FREM1: variants seen among roughly 807,000 people sequenced by gnomAD.
The protein encoded by FREM1 is FRAS1-related extracellular matrix protein 1.
A neutral mutation model predicts 210.1 loss-of-function variants in FREM1; 220 were observed. The ratio of observed to expected loss-of-function variants is 1.05; its 90% CI spans 0.94 to 1.17. The LOEUF is 1.17. Among genes scored for constraint, FREM1 ranks in the 50% most tolerant of loss-of-function variants. The pLI is 0.00. For synonymous variants in FREM1, 1,189 were observed against 980.2 expected, an observed-to-expected ratio of 1.21 and a Z score of -3.98; for missense variants, 3,454 against 2,675.5, an observed-to-expected ratio of 1.29 and a Z score of -6.42.
At chr9:14,813,137 C>G in intron 15 of FREM1, 73 bp from the exon 16 acceptor site, 1 of 1,443,408 alleles carries the variant, frequency 6.9e-7, no homozygotes, top group Non-Finnish European at 9.4e-7. Flanking sequence ...TAATCCATTG[C>G]TCATAGTCAG....
At position 14,792,795 on chromosome 9, in the gene FREM1, T is replaced by C. The variant is rs749369656; in HGVS notation, c.3929A>G (p.Lys1310Arg). ...SAIDEDSPRE[K>R]IYYVFERLPQ... Reference sequence around the variant, plus strand: ...AAGCCTTTCAAATACATAGTAAATCTTCTCCCTGGGTGAGTCTTCATCTAT... The same window carrying C: ...AAGCCTTTCAAATACATAGTAAATCCTCTCCCTGGGTGAGTCTTCATCTAT... The change falls in exon 22 of 37, where the codon AAG (lysine) becomes AGG (arginine). Residue 1310 changes from lysine to arginine, a missense_variant. Coordinates refer to ENST00000380880, the MANE Select transcript of FREM1 (RefSeq NM_001379081.2). 12 of 1,606,486 alleles carry C rather than the reference T, an allele frequency of 7.5e-6. No individual in the cohort carries two copies. The highest frequency in any genetic ancestry group is 1.6e-4 in the Middle Eastern group (1 of 6,070).
At position 14,746,413 on chromosome 9, in the gene FREM1, T is replaced by A. The variant is rs775149951; in HGVS notation, c.6194A>T (p.His2065Leu). The A allele has an allele frequency of 6.2e-7, 1 of 1,613,914 alleles. No individual in the cohort carries two copies. The highest frequency in any genetic ancestry group is 1.1e-5 in the South Asian group (1 of 91,074). ...GCCTTTCTGCTCTGTGATCAAGATG[T>A]GACAGTAGCCTGAGTGCTGGTGCCA... ...AGWHQHSGYCHILITEQKGTW... is the reference protein window; with the variant it reads ...AGWHQHSGYCLILITEQKGTW... The change falls in exon 35 of 37, where the codon CAC (histidine) becomes CTC (leucine). Residue 2065 changes from histidine (H) to leucine (L), a missense_variant. Physicochemically the swap from His to Leu is moderately conservative, Grantham distance 99 (BLOSUM62 -3). Coordinates refer to ENST00000380880, the MANE Select transcript of FREM1 (RefSeq NM_001379081.2).
chr9:14,804,214 A>G (rs1011288435), intron 19 of FREM1, among the ~76,000 whole-genome samples: 1 of 152,228 alleles, frequency 6.6e-6, no homozygotes, highest in Admixed American at 6.5e-5. Context: ...TGCGAAGCTT[A>G]AAGTCTGCTT....
rs766162168 is a variant in FREM1 at position 14,863,808 on chromosome 9, C to T, written c.329+1G>A. On this transcript the variant is annotated splice_donor_variant, in intron 3 of 36. Coordinates refer to ENST00000380880, the MANE Select transcript of FREM1 (RefSeq NM_001379081.2). LOFTEE classifies it high-confidence loss of function. Reference sequence around the variant, plus strand: ...ATGAGCGATGTTCCCGTGCCGCTTACCTGTAAAGTCTGAGCTTCACTGTGT... The same window carrying T: ...ATGAGCGATGTTCCCGTGCCGCTTATCTGTAAAGTCTGAGCTTCACTGTGT... 1 of 1,596,118 alleles carries T rather than the reference C, an allele frequency of 6.3e-7. No individual in the cohort carries two copies. Among genetic ancestry groups the T allele is most frequent in the South Asian group, 1.1e-5 (1 of 90,560 alleles).
chr9:14,738,181 T>A (rs1429304714), intron 36 of FREM1, among the ~76,000 whole-genome samples: 1 of 152,196 alleles, frequency 6.6e-6, no homozygotes, highest in African/African-American at 2.4e-5. Context: ...CACTGGCAAA[T>A]TTTGCAAATT....
At chr9:14,774,511 ATCTCTCTCTCTCTCTCTCTCTCTC>A (rs36211636) in intron 25 of FREM1, among the ~76,000 whole-genome samples, 149 of 136,260 alleles carry the variant, frequency 1.1e-3, no homozygotes, top group Middle Eastern at 3.7e-3. Flanking sequence ...CCTAAAATAA[ATCTCTCTCTCTCTCTCTCTCTCTC>A]TCTCTCTCTC....
At chr9:14,896,050 AG>A (rs1307757203) in intron 1 of FREM1, among the ~76,000 whole-genome samples, 2 of 152,174 alleles carry the variant, frequency 1.3e-5, no homozygotes, top group African/African-American at 4.8e-5. Context: ...ATGAGAGAGG[AG>A]GTCAGCACAA....
At chr9:14,866,126 G>T (rs1486566143) in intron 2 of FREM1, among the ~76,000 whole-genome samples, 1 of 152,126 alleles carries the variant, frequency 6.6e-6, no homozygotes, top group African/African-American at 2.4e-5. Context: ...AGCAGGCTAG[G>T]GAATCAGTAT....
chr9:14,854,871 A>C (rs959161071), intron 5 of FREM1, among the ~76,000 whole-genome samples: 7 of 152,116 alleles, frequency 4.6e-5, no homozygotes, highest in Non-Finnish European at 1.0e-4. Flanking sequence ...CTCACCTTAC[A>C]TGAAGGAAAC....
At chr9:14,847,039 A>AG (rs1369697869) in intron 7 of FREM1, among the ~76,000 whole-genome samples, 3 of 152,198 alleles carry the variant, frequency 2.0e-5, no homozygotes, top group African/African-American at 7.2e-5. Flanking sequence ...GGCTGCTAAG[A>AG]GGGGCCAGAT....
intron 31 of FREM1, 36 bp from the exon 32 acceptor site, chr9:14,747,764 G>A (rs1424845651): frequency 7.4e-6 from 10 of 1,346,748 alleles, no homozygotes; most frequent in Non-Finnish European, 1.0e-5. Flanking sequence ...GAACAGAATT[G>A]GATTGACTAA....
chr9:14,907,742 C>A (rs919261389), intron 1 of FREM1, among the ~76,000 whole-genome samples: 4 of 152,208 alleles, frequency 2.6e-5, no homozygotes, highest in African/African-American at 7.2e-5. Flanking sequence ...TTAGCGAAAT[C>A]TTTAGGCCTA....
chr9:14,833,317 G>A (rs148377831), intron 10 of FREM1, among the ~76,000 whole-genome samples: 2,232 of 152,278 alleles, frequency 0.015, 49 homozygotes, highest in African/African-American at 0.051. Flanking sequence ...CCCCAGGCAA[G>A]AGGGAAGTAT....
chr9:14,740,174 A>T lies in FREM1; in HGVS notation c.6315T>A (p.Ile2105=). 2 of 1,612,756 alleles carry T rather than the reference A, an allele frequency of 1.2e-6. No individual in the cohort carries two copies. Among genetic ancestry groups the T allele is most frequent in the Non-Finnish European group, 1.7e-6 (2 of 1,179,136 alleles). Residue 2105 remains isoleucine (I), a synonymous_variant, in exon 36 of 37, where the codon ATT becomes ATA. Transcript: ENST00000380880. ...CTATCCAAAAGGACTTTCTCCCACC[A>T]ATGTCCCAGAGCCACCGCATGTGCT... is the stretch of plus-strand genomic sequence containing the variant. ...SRQHMRWLWD[I]GGRKSFWIGL... is the part of the protein sequence containing the mutation.
chr9:14,811,400 A>C (rs1009080899), intron 16 of FREM1, among the ~76,000 whole-genome samples: 5 of 152,210 alleles, frequency 3.3e-5, no homozygotes, highest in African/African-American at 1.2e-4. Flanking sequence ...AGCCTGCCAG[A>C]GATGTTAAAT....
rs1847376357 is a variant in FREM1, at chr9:14,770,653, T to G, written c.5011A>C (p.Lys1671Gln). 5 of 1,613,494 alleles carry G rather than the reference T, an allele frequency of 3.1e-6. No individual in the cohort carries two copies. Among genetic ancestry groups the G allele is most frequent in the Non-Finnish European group, 3.4e-6 (4 of 1,179,652 alleles). Residue 1671 changes from lysine (K) to glutamine (Q), a missense_variant, in exon 26 of 37, where the codon AAA becomes CAA. Transcript: ENST00000380880. ...PDTEDDQIIF[K>Q]ILQGPKHGHL... is the part of the protein sequence containing the mutation. ...CCATGTTTTGGGCCTTGTAGAATTTTAAAGATGATCTGATCGTCCTCAGTG... is the reference window on the plus strand; with the variant it reads ...CCATGTTTTGGGCCTTGTAGAATTTGAAAGATGATCTGATCGTCCTCAGTG...
chr9:14,897,439 G>A (rs1837934358), intron 1 of FREM1, among the ~76,000 whole-genome samples: 1 of 150,568 alleles, frequency 6.6e-6, no homozygotes, highest in African/African-American at 2.5e-5. Context: ...TAAGTGATTT[G>A]TCAAAGGTTA....
At chr9:14,798,347 C>T (rs1055058815) in intron 20 of FREM1, among the ~76,000 whole-genome samples, 5 of 152,086 alleles carry the variant, frequency 3.3e-5, no homozygotes, top group East Asian at 1.9e-4. Context: ...CAGTGGTGAG[C>T]GCCTGTAGTC....
intron 10 of FREM1, among the ~76,000 whole-genome samples, chr9:14,832,145 T>C (rs10961740): frequency 0.22 from 33,421 of 152,228 alleles, 3,808 homozygotes; most frequent in Middle Eastern, 0.27. Context: ...TGCAGCCATA[T>C]TGGGCAGGCC....
Sources: allele counts gnomAD v4.1 joint callset (sites outside exome capture counted in the v4.1 genomes callset), GRCh38; gene constraint gnomAD v4.1.1; transcripts MANE v1.5; gene names NCBI Gene and HGNC (gene_info 2026-07-23, HGNC 2026-07-21).